SYK: variants seen among roughly 807,000 people sequenced by gnomAD.
SYK encodes spleen associated tyrosine kinase, also known as tyrosine-protein kinase SYK.
SYK carries 16 observed loss-of-function variants against 77.8 expected under a neutral mutation model. The ratio of observed to expected loss-of-function variants is 0.21; its 90% CI spans 0.14 to 0.31. SYK has a LOEUF of 0.31. SYK is among the 10% of genes least tolerant of loss of function. SYK has a pLI of 1.00. For missense variants in SYK, 529 were observed against 814.4 expected (o/e 0.65, Z 4.26); for synonymous variants, 312 against 308.7 (o/e 1.01, Z -0.11).
chr9:90,839,947 A>T (rs2118582052), intron 1 of SYK, among the ~76,000 whole-genome samples: 1 of 152,300 alleles, frequency 6.6e-6, no homozygotes, highest in South Asian at 2.1e-4. Context: ...GCATGTTGGA[A>T]TAGGCAGGAA....
At chr9:90,855,098 A>C (rs10993721) in intron 3 of SYK, among the ~76,000 whole-genome samples, 3,187 of 151,948 alleles carry the variant, frequency 0.021, 49 homozygotes, top group South Asian at 0.05. Context: ...GTGGGGCCCA[A>C]CTTAAAGTAC....
In SYK at chr9:90,897,879, A is replaced by G. The variant is rs1314133676; in HGVS notation, c.*2279A>G. On this transcript the variant is annotated 3_prime_UTR_variant, in exon 14 of 14. Transcript: ENST00000375754. ...GTGAAAATGTGTCTTGTGGTCAGGA[A>G]TAATTATCCTTTCCCCTGTAGCCAC... is the stretch of plus-strand genomic sequence containing the variant. 1 of 224,836 alleles carries G rather than the reference A, an allele frequency of 4.4e-6. No homozygotes were observed. Among genetic ancestry groups the G allele is most frequent in the African/African-American group, 2.2e-5 (1 of 44,848 alleles). The allele number at this position is 224,836 out of a possible 1,614,324, so 13.9% of individuals were successfully genotyped here.
intron 1 of SYK, among the ~76,000 whole-genome samples, chr9:90,833,107 G>A (rs1238941668): frequency 6.6e-6 from 1 of 152,222 alleles, no homozygotes; most frequent in Admixed American, 6.5e-5. Context: ...TCCAAAAGCT[G>A]AGGAAAAGTG....
At chr9:90,888,030 A>G (rs1828645718) in intron 12 of SYK, 141 bp downstream of exon 12, 4 of 1,089,270 alleles carry the variant, frequency 3.7e-6, no homozygotes, top group Non-Finnish European at 5.1e-6. Context: ...CCCTCAGTCT[A>G]TTCCAAACTG....
chr9:90,827,209 A>G (rs1245985439), intron 1 of SYK, among the ~76,000 whole-genome samples: 2 of 152,222 alleles, frequency 1.3e-5, no homozygotes, highest in African/African-American at 2.4e-5. Context: ...TAAGCACTAA[A>G]TGGCACAGCC....
chr9:90,821,829 C>G (rs755959808), intron 1 of SYK, among the ~76,000 whole-genome samples: 37 of 152,134 alleles, frequency 2.4e-4, no homozygotes, highest in Non-Finnish European at 5.4e-4. Flanking sequence ...GAAGTGCTAT[C>G]TGGTGTCCCT....
At chr9:90,865,984 T>C (rs2774257) in intron 6 of SYK, among the ~76,000 whole-genome samples, 125,535 of 148,748 alleles carry the variant, frequency 0.84, 53,348 homozygotes, top group East Asian at 0.95. Context: ...CTGCAAGCTC[T>C]GCCTCCCGGG....
In SYK at chr9:90,878,193, G is replaced by A. The variant is rs1828016681; in HGVS notation, c.1391+413G>A. Among the ~76,000 whole-genome samples, 3 of 152,334 alleles carry A rather than the reference G, an allele frequency of 2.0e-5. 1 individual carries two copies. In the South Asian group the frequency reaches 6.2e-4, roughly 32 times the overall value. ...TGTTTGGCTGACCTTATGTTCTCAT[G>A]AGTGATGACTTCTGAAAATACCAAT... On this transcript the variant is annotated intron_variant, in intron 10 of 13. Coordinates refer to ENST00000375754, the MANE Select transcript of SYK (RefSeq NM_003177.7).
chr9:90,887,578 G>A (rs1195471073), intron 11 of SYK, among the ~76,000 whole-genome samples, 171 bp from the exon 12 acceptor site: 1 of 151,638 alleles, frequency 6.6e-6, no homozygotes, highest in Non-Finnish European at 1.5e-5. Flanking sequence ...GCTAATTTTT[G>A]TATTTTTAAT....
At chr9:90,838,928 C>T (rs755862913) in intron 1 of SYK, among the ~76,000 whole-genome samples, 18 of 152,184 alleles carry the variant, frequency 1.2e-4, no homozygotes, top group Non-Finnish European at 2.4e-4. Context: ...TCACGGGCTC[C>T]GTCCCTGTCT....
At chr9:90,829,154 G>C (rs919843837) in intron 1 of SYK, among the ~76,000 whole-genome samples, 2 of 152,070 alleles carry the variant, frequency 1.3e-5, no homozygotes, top group African/African-American at 4.8e-5. Flanking sequence ...GCTGGGTGTG[G>C]TGGTGTGCGC....
intron 13 of SYK, among the ~76,000 whole-genome samples, chr9:90,892,039 C>A (rs907137541): frequency 8.5e-5 from 13 of 152,158 alleles, no homozygotes; most frequent in African/African-American, 2.7e-4. Context: ...CAAATTGATA[C>A]CAGGCCAGAT....
At chr9:90,808,498 T>G (rs7046491) in intron 1 of SYK, among the ~76,000 whole-genome samples, 17,163 of 151,406 alleles carry the variant, frequency 0.11, 1,054 homozygotes, top group Middle Eastern at 0.21. Context: ...GCATTAGTCT[T>G]TTAAGGCTGC....
chr9:90,841,934 G>A (rs1384703057), intron 1 of SYK, among the ~76,000 whole-genome samples: 1 of 150,446 alleles, frequency 6.6e-6, no homozygotes, highest in Admixed American at 6.6e-5. Flanking sequence ...TACATGGTGT[G>A]TGTAGTGTGT....
At chr9:90,868,210 T>C (rs948829675) in intron 7 of SYK, among the ~76,000 whole-genome samples, 17 of 152,212 alleles carry the variant, frequency 1.1e-4, no homozygotes, top group African/African-American at 3.9e-4. Flanking sequence ...AAAAGGTTTA[T>C]TTTACACTTG....
chr9:90,836,908 A>G (rs1350353734), intron 1 of SYK, among the ~76,000 whole-genome samples: 1 of 152,136 alleles, frequency 6.6e-6, no homozygotes. Context: ...TTGTAAACAG[A>G]TGACAGTAAA....
At chr9:90,826,930 A>G (rs1053553180) in intron 1 of SYK, among the ~76,000 whole-genome samples, 1 of 151,796 alleles carries the variant, frequency 6.6e-6, no homozygotes, top group Admixed American at 6.6e-5. Context: ...TGCCCTACAC[A>G]TTGGCCTTTC....
At chr9:90,890,238 C>T (rs911240217) in intron 13 of SYK, among the ~76,000 whole-genome samples, 3 of 152,172 alleles carry the variant, frequency 2.0e-5, no homozygotes, top group African/African-American at 7.2e-5. Flanking sequence ...AGTGAGGCTG[C>T]TGAATACCCT....
intron 3 of SYK, among the ~76,000 whole-genome samples, chr9:90,861,465 C>G (rs1046174408): frequency 6.6e-6 from 1 of 152,178 alleles, no homozygotes; most frequent in Non-Finnish European, 1.5e-5. Flanking sequence ...ACAATATCAT[C>G]ATTTGAAACT....
Sources: allele counts gnomAD v4.1 joint callset (sites outside exome capture counted in the v4.1 genomes callset), GRCh38; gene constraint gnomAD v4.1.1; transcripts MANE v1.5; gene names NCBI Gene and HGNC (gene_info 2026-07-23, HGNC 2026-07-21).